The following GNAS variants were observed in gnomAD, a reference collection of about 807,000 sequenced individuals.
GNAS encodes protein ALEX.
GNAS carries 8 observed loss-of-function variants against 54.5 expected under a neutral mutation model. That is an observed-to-expected ratio of 0.15 (90% confidence interval 0.09 to 0.26). The LOEUF (loss-of-function observed/expected upper bound fraction) is 0.26. Ranked by LOEUF, GNAS falls within the 10% of genes least tolerant of loss-of-function variation. GNAS has a pLI of 1.00. For missense variants in GNAS, 170 were observed against 529.8 expected, an observed-to-expected ratio of 0.32 and a Z score of 6.67; for synonymous variants, 204 against 191.4, an observed-to-expected ratio of 1.07 and a Z score of -0.54.
At chr20:58,850,685 T>C in intron 1 of GNAS, 1 of 399,032 alleles carries the variant, frequency 2.5e-6, no homozygotes, top group Non-Finnish European at 4.4e-6. Context: ...TGGCACCCCG[T>C]TGGCTGGGTT....
intron 1 of GNAS, chr20:58,848,811 G>A: frequency 5.0e-6 from 2 of 398,218 alleles, no homozygotes; most frequent in East Asian, 3.6e-5. Context: ...TCAACTCCTC[G>A]AACATTTGGC....
At chr20:58,848,606 G>C (rs756827917) in intron 1 of GNAS, among the ~76,000 whole-genome samples, 1 of 152,128 alleles carries the variant, frequency 6.6e-6, no homozygotes, top group East Asian at 1.9e-4. Flanking sequence ...TCCAGCACTG[G>C]CCATCTCCCT....
intron 1 of GNAS, chr20:58,854,770 C>T: frequency 1.3e-6 from 2 of 1,557,698 alleles, no homozygotes; most frequent in South Asian, 2.3e-5. Context: ...GCCCCAGCCG[C>T]TTCTGCCACC....
Position 58,856,015 on chromosome 20 carries a change from G to A in GNAS, c.43+15129G>A, listed in dbSNP as rs916685029. On this transcript the variant is annotated intron_variant, in intron 1 of 12. Coordinates refer to the GNAS transcript ENST00000306090. This position sits in a 1 kb window ranked among gnomAD's most constrained non-coding sequence, Gnocchi z 4.2. ...CTGCGGCAAGCGGTGCGGAGGACAC[G>A]CGGGGAAGGTGGCGGGGCCTCCCGG... 2.0e-4 allele frequency: 43 copies of A among 219,136 alleles called. No individual in the cohort carries two copies. Among genetic ancestry groups the A allele is most frequent in the African/African-American group, 8.0e-4 (35 of 43,560 alleles). 13.6% of individuals were successfully genotyped at this position (219,136 alleles called of 1,614,324 possible). A position where few individuals can be genotyped will look rare whatever the true frequency, so the allele number is the denominator to read the frequency against.
At chr20:58,876,592 T>C (rs2087836045) in intron 1 of GNAS, 1 of 152,014 alleles carries the variant, frequency 6.6e-6, no homozygotes. Context: ...GAGCATCGAA[T>C]TATATAAGTT....
At chr20:58,881,207 A>G (rs1239177211) in intron 1 of GNAS, among the ~76,000 whole-genome samples, 1 of 152,246 alleles carries the variant, frequency 6.6e-6, no homozygotes, top group African/African-American at 2.4e-5. Context: ...CGTGGGTTAA[A>G]TAACACCAGA....
chr20:58,847,705 CA>C (rs1331010191), intron 1 of GNAS, among the ~76,000 whole-genome samples: 4 of 152,106 alleles, frequency 2.6e-5, no homozygotes, highest in Admixed American at 6.5e-5. Flanking sequence ...AAATGACTAC[CA>C]AAAAAATACT....
At chr20:58,902,712 A>G (rs1212923867) in intron 3 of GNAS, among the ~76,000 whole-genome samples, 4 of 142,094 alleles carry the variant, frequency 2.8e-5, no homozygotes, top group Admixed American at 1.4e-4. Context: ...TGCCTGGAGC[A>G]TCGCACATAC....
rs1439301964 is a variant in GNAS at position 58,903,761 on chromosome 20, G to A, written c.402G>A (p.Val134=). 2 of 1,613,930 alleles carry A rather than the reference G, an allele frequency of 1.2e-6. No homozygotes were observed. The highest frequency in any genetic ancestry group is 3.3e-5 in the Admixed American group (2 of 60,016). ...TCAGAGTGGACTACATCCTGAGTGT[G>A]ATGAACGTGCCTGACTTTGACTTCC... is the stretch of plus-strand genomic sequence containing the variant. ...NQFRVDYILS[V]MNVPDFDFPP... The change falls in exon 5 of 13, where the codon GTG becomes GTA. Residue 134 remains valine, a synonymous_variant. Coordinates refer to ENST00000371085, the MANE Select transcript of GNAS (RefSeq NM_000516.7).
chr20:58,889,058 G>A (rs2088829354), upstream of GNAS: 1 of 1,012,168 alleles, frequency 9.9e-7, no homozygotes, highest in African/African-American at 1.7e-5. Flanking sequence ...TGCGTCCCCG[G>A]TGGGCCGATT....
At chr20:58,904,327 CT>C (rs2090895599) in intron 5 of GNAS, among the ~76,000 whole-genome samples, 1 of 151,974 alleles carries the variant, frequency 6.6e-6, no homozygotes, top group Non-Finnish European at 1.5e-5. Context: ...TTCTAAAGTC[CT>C]TGGGGCAAAT....
At chr20:58,887,144 C>G (rs940443982), upstream of GNAS, among the ~76,000 whole-genome samples, 2 of 152,154 alleles carry the variant, frequency 1.3e-5, no homozygotes, top group Non-Finnish European at 1.5e-5. Context: ...AATAAGGAGG[C>G]TCTTCATTAT....
chr20:58,864,964 C>A (rs1002002806), intron 1 of GNAS, among the ~76,000 whole-genome samples: 2 of 151,018 alleles, frequency 1.3e-5, no homozygotes, highest in African/African-American at 4.9e-5. Context: ...CACAAACACA[C>A]ACGCACGCAC....
chr20:58,885,780 A>G (rs2088551239), intron 1 of GNAS, among the ~76,000 whole-genome samples: 2 of 152,242 alleles, frequency 1.3e-5, no homozygotes, highest in African/African-American at 4.8e-5. Flanking sequence ...ATTCATTTGC[A>G]ATAGCAGTTT....
In GNAS at chr20:58,868,099, C is replaced by A. The variant is rs148903331; in HGVS notation, c.43+27213C>A. 6.4e-4 allele frequency among the ~76,000 whole-genome samples: 97 copies of A among 151,128 alleles called. 1 individual carries two copies. The highest frequency in any genetic ancestry group is 3.7e-3 in the East Asian group (19 of 5,152). On this transcript the variant is annotated intron_variant, in intron 1 of 12. Transcript: ENST00000306090. Reference sequence around the variant, plus strand: ...GAAGTGGCATGATCTTGGCTCACTGCAACCTCCACCTCCCAGGTTCAAGCA... The same window carrying A: ...GAAGTGGCATGATCTTGGCTCACTGAAACCTCCACCTCCCAGGTTCAAGCA...
At chr20:58,892,896 C>G (rs1047948213) in intron 1 of GNAS, among the ~76,000 whole-genome samples, 11 of 121,060 alleles carry the variant, frequency 9.1e-5, no homozygotes, top group African/African-American at 3.4e-4. Flanking sequence ...ACGAGCAGCG[C>G]CCCCCCAACA....
At chr20:58,843,255 C>G (rs1029180874) in intron 1 of GNAS, 1 of 150,710 alleles carries the variant, frequency 6.6e-6, no homozygotes, top group Non-Finnish European at 1.5e-5. Context: ...TCTTTACACC[C>G]TGATTCAAGG....
At chr20:58,871,024 TC>T (rs751440621) in intron 1 of GNAS, among the ~76,000 whole-genome samples, 5 of 152,150 alleles carry the variant, frequency 3.3e-5, no homozygotes, top group Admixed American at 6.5e-5. Context: ...TTCATATTAA[TC>T]CCCCTGCTCC....
Position 58,909,418 on chromosome 20 carries a change from C to A in GNAS, c.654C>A (p.Asn218Lys), listed in dbSNP as rs775747511. ...FETKFQVDKV[N>K]FHMFDVGGQR... ...CCAAGTTCCAGGTGGACAAAGTCAA[C>A]TTCCAGTAAGCCAACTGTTACCTTT... The change falls in exon 8 of 13, where the codon AAC becomes AAA. Residue 218 changes from asparagine to lysine, a missense_variant. Physicochemically the swap from Asn to Lys is moderately conservative, Grantham distance 94. Coordinates refer to ENST00000371085, the MANE Select transcript of GNAS (RefSeq NM_000516.7). The surrounding 1 kb of genome is among the most constrained non-coding windows in gnomAD (Gnocchi z 7.3). The A allele has an allele frequency of 6.2e-7, 1 of 1,613,322 alleles. No homozygotes were observed. The highest frequency in any genetic ancestry group is 1.7e-5 in the Admixed American group (1 of 60,026).
Sources: allele counts gnomAD v4.1 joint callset (sites outside exome capture counted in the v4.1 genomes callset), GRCh38; gene constraint gnomAD v4.1.1; non-coding constraint Gnocchi (gnomAD v3.1); transcripts MANE v1.5; gene names NCBI Gene and HGNC (gene_info 2026-07-23, HGNC 2026-07-21).